The following PRSS12 variants were observed in gnomAD, a reference collection of about 807,000 sequenced individuals.
PRSS12 encodes neurotrypsin.
A neutral mutation model predicts 104.4 loss-of-function variants in PRSS12; 85 were observed. The observed-to-expected ratio is 0.81, with a 90% confidence interval of 0.68 to 0.98. The LOEUF is 0.98. PRSS12 is among the 50% of genes least tolerant of loss of function. PRSS12 has a pLI of 0.00. For missense variants in PRSS12, 1,141 were observed against 1,139.2 expected, an observed-to-expected ratio of 1.00 and a Z score of -0.02; for synonymous variants, 454 against 425.2, an observed-to-expected ratio of 1.07 and a Z score of -0.83.
rs1743911026 is a variant in PRSS12, at chr4:118,316,335, A to T, written c.1151-12T>A. On this transcript the variant is annotated splice_polypyrimidine_tract_variant and intron_variant, in intron 5 of 12. Coordinates refer to ENST00000296498, the MANE Select transcript of PRSS12 (RefSeq NM_003619.4). ...TCTGATGACCCCATCTGTGATAAAG[A>T]GGAGACACAGAGACTAAGCAAATCA... 6.2e-7 allele frequency: 1 copy of T among 1,613,978 alleles called. No homozygotes were observed. The highest frequency in any genetic ancestry group is 8.5e-7 in the Non-Finnish European group (1 of 1,179,980).
chr4:118,316,243 C>A lies in PRSS12; in HGVS notation c.1231G>T (p.Val411Phe). Residue 411 changes from valine (V) to phenylalanine (F), a missense_variant, in exon 6 of 13, where the codon GTC becomes TTC. Physicochemically the swap from Val to Phe is conservative, Grantham distance 50 (BLOSUM62 -1). Coordinates refer to ENST00000296498, the MANE Select transcript of PRSS12 (RefSeq NM_003619.4). ...EVYYRGQWGT[V>F]CDDGWTELNT... ...AGCTCAGTCCAGCCATCATCACAGA[C>A]AGTTCCCCACTGGCCTCTGTAATAT... 1 of 1,614,112 alleles carries A rather than the reference C, an allele frequency of 6.2e-7. No homozygotes were observed. The highest frequency in any genetic ancestry group is 8.5e-7 in the Non-Finnish European group (1 of 1,180,012).
At chr4:118,286,331 G>A (rs1331076983) in intron 11 of PRSS12, among the ~76,000 whole-genome samples, 2 of 152,040 alleles carry the variant, frequency 1.3e-5, no homozygotes, top group Non-Finnish European at 2.9e-5. Context: ...CATTTACACC[G>A]TTTGAAGAGT....
chr4:118,282,727 A>C, intron 12 of PRSS12, 104 bp downstream of exon 12: 1 of 1,527,334 alleles, frequency 6.5e-7, no homozygotes, highest in Non-Finnish European at 9.0e-7. Context: ...AATTTCTCCA[A>C]ATAAGTCTGA....
In PRSS12 at chr4:118,308,485, C is replaced by T. The variant is rs776424713; in HGVS notation, c.1582G>A (p.Gly528Arg). 5.0e-6 allele frequency: 8 copies of T among 1,613,980 alleles called. No homozygotes were observed. In the South Asian group the frequency reaches 6.6e-5, roughly 13 times the overall value. ...NGQWGTICDD[G>R]WTDKDAAVIC... The stretch of plus-strand genomic sequence containing the variant: ...ACAGCTGCATCCTTATCAGTCCATC[C>T]ATCATCACAGATTGTTCCCCACTGG... Residue 528 changes from glycine to arginine, a missense_variant, in exon 8 of 13, where the codon GGA becomes AGA. Coordinates refer to ENST00000296498, the MANE Select transcript of PRSS12 (RefSeq NM_003619.4).
rs777261031 is a variant in PRSS12 at position 118,313,269 on chromosome 4, T to G, written c.1421A>C (p.Asp474Ala). The change falls in exon 7 of 13, where the codon GAC becomes GCC. Residue 474 changes from aspartate to alanine, a missense_variant. Asp to Ala is a moderately radical substitution (Grantham distance 126). Coordinates refer to ENST00000296498, the MANE Select transcript of PRSS12 (RefSeq NM_003619.4). The part of the protein sequence containing the change: ...QCSRRQWGRH[D>A]CSHREDVSIA... Reference sequence around the variant, plus strand: ...GCTAACATCTTCGCGGTGGCTGCAGTCATGCCTTCCCCACTGTCGCCTGGA... The same window carrying G: ...GCTAACATCTTCGCGGTGGCTGCAGGCATGCCTTCCCCACTGTCGCCTGGA... 3.1e-6 allele frequency: 5 copies of G among 1,614,096 alleles called. No individual in the cohort carries two copies. The South Asian group carries it at 5.5e-5, about 18-fold the overall frequency.
intron 12 of PRSS12, 39 bp downstream of exon 12, chr4:118,282,792 A>C: frequency 6.2e-7 from 1 of 1,612,812 alleles, no homozygotes; most frequent in Non-Finnish European, 8.5e-7. Flanking sequence ...ATAATACCAG[A>C]CACAAAAAGG....
chr4:118,346,152 C>T (rs2126045667), intron 1 of PRSS12, among the ~76,000 whole-genome samples: 1 of 152,254 alleles, frequency 6.6e-6, no homozygotes, highest in Admixed American at 6.5e-5. Context: ...AGAATAAAGG[C>T]CACGCTTCTG....
intron 11 of PRSS12, among the ~76,000 whole-genome samples, chr4:118,292,981 C>G (rs1204725502): frequency 6.6e-6 from 1 of 151,842 alleles, no homozygotes; most frequent in Non-Finnish European, 1.5e-5. Context: ...TGCCACTACA[C>G]TCCAGCTAGG....
intron 8 of PRSS12, among the ~76,000 whole-genome samples, chr4:118,305,073 C>T (rs996624913): frequency 6.6e-5 from 10 of 150,378 alleles, no homozygotes; most frequent in Non-Finnish European, 1.0e-4. Context: ...AAAAGATCCT[C>T]GGCACTAGTC....
chr4:118,336,510 A>G (rs1724068194), intron 2 of PRSS12, among the ~76,000 whole-genome samples: 1 of 152,126 alleles, frequency 6.6e-6, no homozygotes, highest in South Asian at 2.1e-4. Context: ...TAAAATGTAA[A>G]TGTGTCTTCA....
rs1371051232 is a variant in PRSS12, at chr4:118,298,729, T to C, written c.1837+4A>G. ...CTTGTTTAGGGCTCCAGAAGGTGAC[T>C]TACCTTTATTACTGTTACCTGAGGC... On this transcript the variant is annotated splice_donor_region_variant and intron_variant, in intron 9 of 12. Coordinates refer to ENST00000296498, the MANE Select transcript of PRSS12 (RefSeq NM_003619.4). 4 of 1,614,000 alleles carry C rather than the reference T, an allele frequency of 2.5e-6. No homozygotes were observed. Among genetic ancestry groups the C allele is most frequent in the Non-Finnish European group, 2.5e-6 (3 of 1,179,848 alleles).
At chr4:118,291,177 A>G (rs1296355742) in intron 11 of PRSS12, among the ~76,000 whole-genome samples, 2 of 152,074 alleles carry the variant, frequency 1.3e-5, no homozygotes, top group Non-Finnish European at 2.9e-5. Flanking sequence ...GTTTCCCACT[A>G]CCTAGTAAAT....
At chr4:118,307,607 T>C (rs576773066) in intron 8 of PRSS12, among the ~76,000 whole-genome samples, 55 of 152,298 alleles carry the variant, frequency 3.6e-4, no homozygotes, top group African/African-American at 1.3e-3. Context: ...ATTCATGACA[T>C]ATGCAGAGCC....
chr4:118,286,357 C>T (rs757164553), intron 11 of PRSS12, among the ~76,000 whole-genome samples: 1 of 152,194 alleles, frequency 6.6e-6, no homozygotes, highest in African/African-American at 2.4e-5. Context: ...TACAAACCCA[C>T]GTCATTATCC....
At chr4:118,308,282 T>C (rs1303009284) in intron 8 of PRSS12, among the ~76,000 whole-genome samples, 154 bp downstream of exon 8, 1 of 152,258 alleles carries the variant, frequency 6.6e-6, no homozygotes, top group Non-Finnish European at 1.5e-5. Context: ...TACTTATTAC[T>C]TCTTTATAAT....
At chr4:118,302,555 C>T (rs751877986) in intron 8 of PRSS12, among the ~76,000 whole-genome samples, 11 of 152,040 alleles carry the variant, frequency 7.2e-5, no homozygotes, top group Admixed American at 3.9e-4. Context: ...GCCTCCCGAG[C>T]GGCTGGGATT....
Position 118,331,738 on chromosome 4 carries a change from T to A in PRSS12, c.949A>T (p.Ile317Phe). 1 of 1,614,146 alleles carries A rather than the reference T, an allele frequency of 6.2e-7. No homozygotes were observed. The highest frequency in any genetic ancestry group is 2.2e-5 in the East Asian group (1 of 44,872). Residue 317 changes from isoleucine (I) to phenylalanine (F), a missense_variant, in exon 4 of 13, where the codon ATC (isoleucine) becomes TTC (phenylalanine). Transcript: ENST00000296498. ...AACCTGAGGCCCAGCTGCCTGCAGA[T>A]CACTTCTGCATCGGCATCATCCCAT... ...DQWDDADAEV[I>F]CRQLGLSGIA...
intron 1 of PRSS12, among the ~76,000 whole-genome samples, chr4:118,343,930 C>A (rs1176090727): frequency 6.6e-6 from 1 of 152,048 alleles, no homozygotes; most frequent in Non-Finnish European, 1.5e-5. Flanking sequence ...TAAAAAATCA[C>A]AGTTTGATAA....
At chr4:118,304,697 T>C (rs746228195) in intron 8 of PRSS12, among the ~76,000 whole-genome samples, 6 of 152,048 alleles carry the variant, frequency 3.9e-5, no homozygotes, top group Non-Finnish European at 8.8e-5. Context: ...ACATTCTCTA[T>C]CAACAATCTA....
Sources: gnomAD v4.1 joint callset for allele counts (sites outside exome capture counted in the v4.1 genomes callset) on GRCh38, gnomAD v4.1.1 for gene constraint, MANE v1.5 for transcripts, NCBI Gene and HGNC (gene_info 2026-07-23, HGNC 2026-07-21) for gene names.